XRCC1: variants seen among roughly 807,000 people sequenced by gnomAD.
XRCC1 encodes DNA repair protein XRCC1.
In XRCC1, 52 loss-of-function variants were observed where a neutral mutation model predicts 83.3. The observed-to-expected ratio is 0.62, with a 90% CI of 0.50 to 0.79. The LOEUF is 0.79. Ranked by LOEUF, XRCC1 falls within the 30% of genes least tolerant of loss-of-function variation. XRCC1 has a pLI of 0.00. For synonymous variants in XRCC1, 281 were observed against 312.6 expected, an observed-to-expected ratio of 0.90 and a Z score of 1.07; for missense variants, 793 against 823.5, an observed-to-expected ratio of 0.96 and a Z score of 0.45.
At chr19:43,575,266 T>C (rs966184849) in intron 1 of XRCC1, 142 bp downstream of exon 1, 1 of 1,005,100 alleles carries the variant, frequency 9.9e-7, no homozygotes, top group East Asian at 2.6e-5. Flanking sequence ...TAATTCAACA[T>C]CTCTCCACAA....
At chr19:43,543,712 A>G in intron 15 of XRCC1, 25 bp from the exon 16 acceptor site, 1 of 1,610,388 alleles carries the variant, frequency 6.2e-7, no homozygotes, top group Non-Finnish European at 8.5e-7. Context: ...GAAAAGAGGT[A>G]GAAGGCACAT....
At chr19:43,551,766 G>C (rs200509393) in intron 9 of XRCC1, 79 bp from the exon 10 acceptor site, 2 of 638,886 alleles carry the variant, frequency 3.1e-6, no homozygotes, top group Non-Finnish European at 4.8e-6. Context: ...GAGACAGACA[G>C]AGAGAGAGAG....
At chr19:43,572,434 C>T (rs1972814136) in intron 2 of XRCC1, among the ~76,000 whole-genome samples, 1 of 152,134 alleles carries the variant, frequency 6.6e-6, no homozygotes, top group Non-Finnish European at 1.5e-5. Context: ...TTGAGGTCAC[C>T]GATTAAGAGG....
chr19:43,574,701 C>T (rs866399941), intron 2 of XRCC1: 1 of 571,084 alleles, frequency 1.8e-6, no homozygotes, highest in Non-Finnish European at 3.1e-6. Context: ...GGACCACACA[C>T]TGATTCCTGT....
At chr19:43,562,096 A>C (rs1369500963) in intron 2 of XRCC1, among the ~76,000 whole-genome samples, 1 of 148,806 alleles carries the variant, frequency 6.7e-6, no homozygotes, top group East Asian at 2.0e-4. Flanking sequence ...CAGTAAGCAG[A>C]GATCATGCCA....
intron 2 of XRCC1, among the ~76,000 whole-genome samples, chr19:43,569,776 C>T (rs919506186): frequency 1.3e-5 from 2 of 151,462 alleles, no homozygotes; most frequent in African/African-American, 2.4e-5. Context: ...GACGAAACTC[C>T]GTCTCAGAAA....
intron 16 of XRCC1, 48 bp from the exon 17 acceptor site, chr19:43,543,553 G>T (rs368112519): frequency 1.9e-6 from 3 of 1,613,292 alleles, no homozygotes; most frequent in Non-Finnish European, 2.5e-6. Flanking sequence ...TCGAGGGGAG[G>T]ACGGAGGAGA....
At chr19:43,561,778 C>T (rs776484386) in intron 2 of XRCC1, among the ~76,000 whole-genome samples, 5 of 152,168 alleles carry the variant, frequency 3.3e-5, no homozygotes, top group Non-Finnish European at 5.9e-5. Context: ...CATGCGGGCA[C>T]GGGAGGCAGT....
At chr19:43,555,865 A>G (rs1322210997) in intron 3 of XRCC1, among the ~76,000 whole-genome samples, 1 of 152,142 alleles carries the variant, frequency 6.6e-6, no homozygotes, top group Non-Finnish European at 1.5e-5. Context: ...CTGATCCCAG[A>G]TAGCAAATAA....
intron 3 of XRCC1, among the ~76,000 whole-genome samples, chr19:43,557,836 G>A (rs922681152): frequency 2.7e-5 from 4 of 149,832 alleles, no homozygotes; most frequent in Non-Finnish European, 4.4e-5. Flanking sequence ...AGGGAGGGAA[G>A]GAGGGGAGGG....
chr19:43,573,645 G>A (rs3213253), intron 2 of XRCC1, among the ~76,000 whole-genome samples: 1 of 152,132 alleles, frequency 6.6e-6, no homozygotes, highest in Non-Finnish European at 1.5e-5. Flanking sequence ...GGCTGAAGCA[G>A]GAGGAACGCT....
Position 43,546,976 on chromosome 19 carries a change from A to C in XRCC1, c.1201T>G (p.Tyr401Asp). The change falls in exon 11 of 17, where the codon TAC (tyrosine) becomes GAC (aspartate). Residue 401 changes from tyrosine (Y) to aspartate (D), a missense_variant and splice_region_variant. Coordinates refer to ENST00000262887, the MANE Select transcript of XRCC1 (RefSeq NM_006297.3). ...CTGGAACCTGGCCCTGCCATGAGGT[A>C]CCTAGGGGACAAATCGGGCCTCAGA... Reference protein sequence around the residue: ...RMRRRLPSQRYLMAGPGSSSE... With the variant: ...RMRRRLPSQRDLMAGPGSSSE... The C allele has an allele frequency of 6.2e-7, 1 of 1,613,606 alleles. No homozygotes were observed. Among genetic ancestry groups the C allele is most frequent in the Non-Finnish European group, 8.5e-7 (1 of 1,179,836 alleles).
At position 43,554,680 on chromosome 19, in the gene XRCC1, C is replaced by T. The variant is rs777365561; in HGVS notation, c.380G>A (p.Arg127Gln). 46 of 1,613,332 alleles carry T rather than the reference C, an allele frequency of 2.9e-5. No homozygotes were observed. The highest frequency in any genetic ancestry group is 4.0e-5 in the African/African-American group (3 of 74,994). The change falls in exon 4 of 17, where the codon CGG (arginine) becomes CAG (glutamine). Residue 127 changes from arginine (R) to glutamine (Q), a missense_variant. Transcript: ENST00000262887. ...GGGCTGGCTGCAAACAATTTTGACC[C>T]GGTCCCAGCGCTTCTCGGCGGCTGC... ...VRAAAEKRWD[R>Q]VKIVCSQPYS...
chr19:43,551,960 G>T (rs967847451), intron 9 of XRCC1, 57 bp downstream of exon 9: 4 of 1,581,532 alleles, frequency 2.5e-6, no homozygotes, highest in Middle Eastern at 1.7e-4. Flanking sequence ...AGGTGGAGGA[G>T]ACACAGGGAG....
At chr19:43,556,407 G>A (rs1972636103) in intron 3 of XRCC1, among the ~76,000 whole-genome samples, 1 of 152,302 alleles carries the variant, frequency 6.6e-6, no homozygotes, top group East Asian at 1.9e-4. Context: ...AGCTTGGGGG[G>A]ACACCAAAGA....
intron 1 of XRCC1, among the ~76,000 whole-genome samples, chr19:43,575,203 C>G (rs1972844445): frequency 6.6e-6 from 1 of 152,202 alleles, no homozygotes; most frequent in Non-Finnish European, 1.5e-5. Context: ...TCCAAGAAAG[C>G]TTCCCTATTC....
intron 2 of XRCC1, among the ~76,000 whole-genome samples, chr19:43,571,616 G>A (rs1477346473): frequency 6.6e-6 from 1 of 152,180 alleles, no homozygotes; most frequent in African/African-American, 2.4e-5. Flanking sequence ...TGATCCTCCC[G>A]CCTCAGCCTC....
intron 2 of XRCC1, among the ~76,000 whole-genome samples, chr19:43,569,106 C>T (rs546324364): frequency 2.0e-5 from 3 of 150,688 alleles, no homozygotes; most frequent in East Asian, 3.9e-4. Flanking sequence ...AGTGAGACTC[C>T]GTTTAAAAAA....
Position 43,553,453 on chromosome 19 carries a change from G to A in XRCC1, c.549C>T (p.Asn183=). 2 of 1,614,188 alleles carry A rather than the reference G, an allele frequency of 1.2e-6. No homozygotes were observed. Among genetic ancestry groups the A allele is most frequent in the Non-Finnish European group, 1.7e-6 (2 of 1,180,040 alleles). The change falls in exon 6 of 17, where the codon AAC becomes AAT. Residue 183 remains asparagine, a synonymous_variant. Coordinates refer to ENST00000262887, the MANE Select transcript of XRCC1 (RefSeq NM_006297.3). ...FRVKEEDESA[N]SLRPGALFFS... The stretch of plus-strand genomic sequence containing the variant: ...AGAAGAGAGCCCCCGGCCTCAGAGA[G>A]TTGGCGCTCTCATCCTCCTCCTTCA...
Sources: gnomAD v4.1 joint callset for allele counts (sites outside exome capture counted in the v4.1 genomes callset) on GRCh38, gnomAD v4.1.1 for gene constraint, MANE v1.5 for transcripts, NCBI Gene and HGNC (gene_info 2026-07-23, HGNC 2026-07-21) for gene names.